DPP6: variants seen among roughly 807,000 people sequenced by gnomAD.
DPP6 encodes dipeptidyl peptidase like 6, also known as A-type potassium channel modulatory protein DPP6.
A neutral mutation model predicts 122.6 loss-of-function variants in DPP6; 69 were observed. The observed-to-expected ratio is 0.56, with a 90% CI of 0.46 to 0.69. The LOEUF (loss-of-function observed/expected upper bound fraction) is 0.69. Among genes scored for constraint, DPP6 ranks in the 30% least tolerant of loss-of-function variants. The pLI is 0.00. For synonymous variants in DPP6, 418 were observed against 433.1 expected, an observed-to-expected ratio of 0.97 and a Z score of 0.43; for missense variants, 928 against 1,116.9, an observed-to-expected ratio of 0.83 and a Z score of 2.41.
intron 1 of DPP6, among the ~76,000 whole-genome samples, chr7:153,895,619 A>G (rs1406241824): frequency 3.2e-5 from 2 of 61,966 alleles, no homozygotes; most frequent in African/African-American, 7.0e-5. Context: ...GCATCAATGT[A>G]TAGTCCTATT....
chr7:154,301,919 G>A (rs1423041068), intron 1 of DPP6, among the ~76,000 whole-genome samples: 5 of 148,928 alleles, frequency 3.4e-5, no homozygotes, highest in African/African-American at 1.2e-4. Context: ...CCAGGTTCAA[G>A]TGATCCTCCT....
At chr7:153,920,796 T>G (rs1451446823) in intron 1 of DPP6, among the ~76,000 whole-genome samples, 1 of 151,920 alleles carries the variant, frequency 6.6e-6, no homozygotes, top group East Asian at 1.9e-4. Context: ...CCTGACCTCA[T>G]GATCTGCCCA....
In DPP6 at chr7:154,574,185, C is replaced by T. The variant is rs960588498; in HGVS notation, c.627+7269C>T. 8.7e-5 allele frequency among the ~76,000 whole-genome samples: 13 copies of T among 149,746 alleles called. No homozygotes were observed. The Middle Eastern group carries it at 0.01, about 118-fold the overall frequency. The stretch of plus-strand genomic sequence containing the variant: ...CAAACTTTGTTAAGGTAATGCTGTG[C>T]GTGTGTGTGTGTGTATGTGTGTGGG... On this transcript the variant is annotated intron_variant, in intron 5 of 25. Coordinates refer to ENST00000377770, the MANE Select transcript of DPP6 (RefSeq NM_130797.4).
chr7:154,125,376 A>G (rs1353499675), intron 1 of DPP6, among the ~76,000 whole-genome samples: 3 of 152,234 alleles, frequency 2.0e-5, no homozygotes, highest in Non-Finnish European at 4.4e-5. Context: ...ACATGTATAT[A>G]TTAAATTACG....
the DPP6 span, among the ~76,000 whole-genome samples, chr7:153,845,772 A>G: frequency 6.6e-6 from 1 of 152,214 alleles, no homozygotes; most frequent in South Asian, 2.1e-4. Context: ...TACATATTTA[A>G]TGTAATAAGT....
chr7:154,506,875 A>G (rs1825707920), intron 3 of DPP6, among the ~76,000 whole-genome samples: 2 of 152,180 alleles, frequency 1.3e-5, no homozygotes, highest in African/African-American at 4.8e-5. Context: ...AGTTAGGAGG[A>G]TGATGAATGC....
At chr7:153,906,485 C>G (rs1799856149) in intron 1 of DPP6, among the ~76,000 whole-genome samples, 1 of 152,196 alleles carries the variant, frequency 6.6e-6, no homozygotes, top group Non-Finnish European at 1.5e-5. Flanking sequence ...GGGTCTCACT[C>G]TGTCTCCCAG....
intron 16 of DPP6, among the ~76,000 whole-genome samples, chr7:154,827,343 C>G (rs1800240412): frequency 6.6e-6 from 1 of 151,934 alleles, no homozygotes; most frequent in Non-Finnish European, 1.5e-5. Context: ...CCCTTCCCTT[C>G]CCTTCTTTAT....
At chr7:153,959,732 CAA>C (rs1200157208) in intron 1 of DPP6, among the ~76,000 whole-genome samples, 1 of 152,240 alleles carries the variant, frequency 6.6e-6, no homozygotes, top group Non-Finnish European at 1.5e-5. Context: ...GCAGACCACT[CAA>C]AGTTTCTTCA....
chr7:154,273,567 A>G lies in DPP6; in HGVS notation c.244-172647A>G, dbSNP rs1057114838. On this transcript the variant is annotated intron_variant, in intron 1 of 25. Transcript: ENST00000377770. Reference sequence around the variant, plus strand: ...GGTTATTTTCTGTGTAACAATGCACATCATTCTGCAAGATGACCAAACAGG... The same window carrying G: ...GGTTATTTTCTGTGTAACAATGCACGTCATTCTGCAAGATGACCAAACAGG... 2.0e-5 allele frequency among the ~76,000 whole-genome samples: 3 copies of G among 152,234 alleles called. No homozygotes were observed. The South Asian group carries it at 6.2e-4, about 32-fold the overall frequency.
At chr7:154,477,246 ATGATCTC>A (rs1822826947) in intron 3 of DPP6, among the ~76,000 whole-genome samples, 1 of 151,172 alleles carries the variant, frequency 6.6e-6, no homozygotes, top group Non-Finnish European at 1.5e-5. Flanking sequence ...ACCCACCACC[ATGATCTC>A]CCACCACCAC....
At chr7:154,338,974 T>TC (rs1487928320) in intron 1 of DPP6, among the ~76,000 whole-genome samples, 1 of 152,180 alleles carries the variant, frequency 6.6e-6, no homozygotes, top group Admixed American at 6.5e-5. Flanking sequence ...CCAATCTGTC[T>TC]CCCCGAGGTT....
At chr7:154,736,737 A>G (rs150713821) in intron 8 of DPP6, among the ~76,000 whole-genome samples, 213 of 152,338 alleles carry the variant, frequency 1.4e-3, no homozygotes, top group African/African-American at 4.8e-3. Flanking sequence ...ACTGTATTTT[A>G]TATTGTATGT....
chr7:153,760,038 G>A, the DPP6 span, among the ~76,000 whole-genome samples: 3 of 151,886 alleles, frequency 2.0e-5, no homozygotes, highest in African/African-American at 7.2e-5. Context: ...GGGGTTTCAA[G>A]TGCATGTATA....
intron 7 of DPP6, among the ~76,000 whole-genome samples, chr7:154,706,795 G>A (rs1313955019): frequency 1.3e-5 from 2 of 152,170 alleles, no homozygotes; most frequent in Non-Finnish European, 2.9e-5. Flanking sequence ...GTTAAAATGT[G>A]GGTTCAGGAG....
At chr7:154,771,937 G>A (rs926168175) in intron 9 of DPP6, among the ~76,000 whole-genome samples, 38 of 152,086 alleles carry the variant, frequency 2.5e-4, no homozygotes, top group African/African-American at 8.7e-4. Flanking sequence ...CACCCCACCC[G>A]CCAGAAGAGC....
chr7:154,135,214 A>G (rs1795486229), intron 1 of DPP6, among the ~76,000 whole-genome samples: 2 of 148,232 alleles, frequency 1.3e-5, no homozygotes, highest in Admixed American at 6.7e-5. Flanking sequence ...CTTCTTGTGA[A>G]TTTATACTTC....
chr7:154,065,168 G>T (rs1047631874), intron 1 of DPP6, among the ~76,000 whole-genome samples: 23 of 152,092 alleles, frequency 1.5e-4, no homozygotes, highest in African/African-American at 3.4e-4. Flanking sequence ...ATAGCTGCTT[G>T]TGATGAGCAG....
At chr7:154,216,805 C>CA (rs1471581739) in intron 1 of DPP6, among the ~76,000 whole-genome samples, 2 of 147,822 alleles carry the variant, frequency 1.4e-5, no homozygotes, top group Non-Finnish European at 3.0e-5. Flanking sequence ...GTTGTTTGAG[C>CA]AGAGGTCATG....
Sources: allele counts gnomAD v4.1 joint callset (sites outside exome capture counted in the v4.1 genomes callset), GRCh38; gene constraint gnomAD v4.1.1; transcripts MANE v1.5; gene names NCBI Gene and HGNC (gene_info 2026-07-23, HGNC 2026-07-21).